The following GREB1L variants were observed in gnomAD, a reference collection of about 807,000 sequenced individuals.
GREB1L encodes the protein GREB1 like retinoic acid receptor coactivator.
A neutral mutation model predicts 200.8 loss-of-function variants in GREB1L; 17 were observed. The ratio of observed to expected loss-of-function variants is 0.08; its 90% CI spans 0.06 to 0.13. GREB1L has a LOEUF of 0.13. Among genes scored for constraint, GREB1L ranks in the 10% least tolerant of loss-of-function variants. The pLI is 1.00. For missense variants in GREB1L, 1,657 were observed against 2,367.7 expected, an observed-to-expected ratio of 0.70 and a Z score of 6.23; for synonymous variants, 789 against 893.0, an observed-to-expected ratio of 0.88 and a Z score of 2.08.
intron 1 of GREB1L, among the ~76,000 whole-genome samples, chr18:21,300,899 G>A (rs1282946219): frequency 1.3e-5 from 2 of 152,040 alleles, no homozygotes; most frequent in Non-Finnish European, 2.9e-5. Context: ...TTATTCCCTA[G>A]CTTACTTTCA....
intron 15 of GREB1L, among the ~76,000 whole-genome samples, chr18:21,460,623 A>T (rs1489107592): frequency 6.6e-6 from 1 of 151,732 alleles, no homozygotes; most frequent in East Asian, 2.0e-4. Context: ...TACAGGCGTG[A>T]GCCACTGTGC....
intron 10 of GREB1L, 76 bp from the exon 11 acceptor site, chr18:21,444,148 C>A: frequency 3.0e-6 from 3 of 1,008,774 alleles, no homozygotes; most frequent in Non-Finnish European, 4.3e-6. Flanking sequence ...CAGCTTTGAT[C>A]GTCGTTGAGC....
In GREB1L at chr18:21,335,885, G is replaced by A. The variant is rs1431393722; in HGVS notation, c.-119-30142G>A. Among the ~76,000 whole-genome samples, 8 of 152,042 alleles carry A rather than the reference G, an allele frequency of 5.3e-5. No homozygotes were observed. In the East Asian group the frequency reaches 7.7e-4, roughly 15 times the overall value. On this transcript the variant is annotated intron_variant, in intron 1 of 32. Coordinates refer to ENST00000424526, the MANE Select transcript of GREB1L (RefSeq NM_001142966.3). ...TCACCGTGTTAGCCAGGATGGTCTC[G>A]ATCTCCTGACCTCGTGATCCACCTT... is the stretch of plus-strand genomic sequence containing the variant.
intron 32 of GREB1L, among the ~76,000 whole-genome samples, chr18:21,521,129 G>A (rs570258674): frequency 2.9e-4 from 44 of 152,036 alleles, no homozygotes; most frequent in Non-Finnish European, 4.9e-4. Flanking sequence ...CCTGGGAGGC[G>A]GAGCTTGTAG....
At chr18:21,483,291 G>C (rs556625155) in intron 17 of GREB1L, among the ~76,000 whole-genome samples, 5 of 152,202 alleles carry the variant, frequency 3.3e-5, no homozygotes, top group Non-Finnish European at 7.3e-5. Context: ...AGAGGGAAAC[G>C]TGAAGACCAA....
At chr18:21,350,730 A>T (rs1294062747) in intron 1 of GREB1L, among the ~76,000 whole-genome samples, 1 of 152,190 alleles carries the variant, frequency 6.6e-6, no homozygotes, top group Non-Finnish European at 1.5e-5. Context: ...GATAGGAAAC[A>T]ACTGATTGGA....
intron 21 of GREB1L, among the ~76,000 whole-genome samples, chr18:21,498,855 T>G (rs976572879): frequency 6.6e-6 from 1 of 152,212 alleles, no homozygotes; most frequent in Non-Finnish European, 1.5e-5. Context: ...GTCTTGTTGA[T>G]GGCTGTTCAT....
chr18:21,507,126 T>G (rs2037048529), intron 25 of GREB1L, among the ~76,000 whole-genome samples: 1 of 152,236 alleles, frequency 6.6e-6, no homozygotes, highest in South Asian at 2.1e-4. Context: ...TATATCCCAT[T>G]TGTTTTCTTG....
rs1293482159 is a variant in GREB1L, at chr18:21,508,384, C to T, written c.4531-3C>T. 2 of 1,551,242 alleles carry T rather than the reference C, an allele frequency of 1.3e-6. No homozygotes were observed. The highest frequency in any genetic ancestry group is 2.0e-5 in the Admixed American group (1 of 50,962). ...TATGGTCTGTTTTTTTCCCTTTCAG[C>T]AGAATTTGAATGCAGTCAAGAGCCC... On this transcript the variant is annotated splice_region_variant and splice_polypyrimidine_tract_variant and intron_variant, in intron 26 of 32. Transcript: ENST00000424526.
At chr18:21,321,806 G>A (rs750306346) in intron 1 of GREB1L, among the ~76,000 whole-genome samples, 2 of 152,174 alleles carry the variant, frequency 1.3e-5, no homozygotes, top group East Asian at 3.9e-4. Flanking sequence ...TATCTCCATA[G>A]ATGTCAAAAG....
chr18:21,362,098 C>T (rs2039588507), intron 1 of GREB1L, among the ~76,000 whole-genome samples: 1 of 151,704 alleles, frequency 6.6e-6, no homozygotes, highest in Non-Finnish European at 1.5e-5. Context: ...ATTTTACATA[C>T]TCATTTTATT....
At chr18:21,394,792 TGTTGTGTA>T (rs909540691) in intron 4 of GREB1L, among the ~76,000 whole-genome samples, 1 of 151,936 alleles carries the variant, frequency 6.6e-6, no homozygotes, top group African/African-American at 2.4e-5. Context: ...TTTCAAAGTT[TGTTGTGTA>T]TTCACCATTG....
At chr18:21,506,062 G>T in intron 25 of GREB1L, 113 bp downstream of exon 25, 2 of 1,134,408 alleles carry the variant, frequency 1.8e-6, no homozygotes, top group Non-Finnish European at 2.4e-6. Context: ...TCTGGTAAAG[G>T]ATAGTTTACT....
intron 11 of GREB1L, among the ~76,000 whole-genome samples, chr18:21,448,272 A>G (rs1466940467): frequency 1.3e-5 from 2 of 152,102 alleles, no homozygotes; most frequent in Non-Finnish European, 2.9e-5. Context: ...GTTTATGAGA[A>G]TTCTACTCTC....
At chr18:21,371,535 C>G (rs1347677919) in intron 2 of GREB1L, among the ~76,000 whole-genome samples, 1 of 150,666 alleles carries the variant, frequency 6.6e-6, no homozygotes, top group Non-Finnish European at 1.5e-5. Context: ...TGCCTGTAAT[C>G]CCAGCACTTT....
intron 16 of GREB1L, among the ~76,000 whole-genome samples, chr18:21,474,232 AG>A (rs1158769603): frequency 2.0e-5 from 3 of 152,248 alleles, no homozygotes; most frequent in Admixed American, 6.5e-5. Flanking sequence ...ATCTGAGACA[AG>A]GCAAGTCCCT....
At chr18:21,462,324 T>G (rs1301896185) in intron 15 of GREB1L, among the ~76,000 whole-genome samples, 1 of 152,274 alleles carries the variant, frequency 6.6e-6, no homozygotes, top group Non-Finnish European at 1.5e-5. Flanking sequence ...TTTCTTAGAC[T>G]GGCCATTGCT....
At chr18:21,298,255 C>A (rs1486361370) in intron 1 of GREB1L, among the ~76,000 whole-genome samples, 3 of 152,174 alleles carry the variant, frequency 2.0e-5, no homozygotes, top group Non-Finnish European at 4.4e-5. Context: ...CTCTCAGTCT[C>A]AGGCTCTATT....
intron 4 of GREB1L, among the ~76,000 whole-genome samples, chr18:21,394,069 C>T (rs1598748956): frequency 1.3e-5 from 2 of 152,210 alleles, no homozygotes; most frequent in South Asian, 4.1e-4. Context: ...CCTGTGCTGA[C>T]GGAGTTCCCT....
Sources: gnomAD v4.1 joint callset for allele counts (sites outside exome capture counted in the v4.1 genomes callset) on GRCh38, gnomAD v4.1.1 for gene constraint, MANE v1.5 for transcripts, NCBI Gene and HGNC (gene_info 2026-07-23, HGNC 2026-07-21) for gene names.